RAX: variants seen among roughly 807,000 people sequenced by gnomAD.
RAX encodes the protein retinal homeobox protein Rx.
A neutral mutation model predicts 17.4 loss-of-function variants in RAX; 11 were observed. The ratio of observed to expected loss-of-function variants is 0.63; its 90% CI spans 0.40 to 1.05. RAX has a LOEUF of 1.05. Among genes scored for constraint, RAX ranks in the 50% least tolerant of loss-of-function variants. The probability of loss-of-function intolerance (pLI) is 0.00; values close to 1 mark genes in which losing one functional copy is unlikely to be tolerated. For synonymous variants in RAX, 276 were observed against 254.7 expected, an observed-to-expected ratio of 1.08 and a Z score of -0.80; for missense variants, 527 against 501.1, an observed-to-expected ratio of 1.05 and a Z score of -0.49.
rs1015015294 is a variant in RAX at position 59,273,147 on chromosome 18, G to A, written c.60C>T (p.His20=). Residue 20 remains histidine (H), a synonymous_variant, in exon 1 of 3, where the codon CAC becomes CAT. Coordinates refer to ENST00000334889, the MANE Select transcript of RAX (RefSeq NM_013435.3). ...TGCTCCCGCCCGGGCTGCGGAGCAG[G>A]TGGCCGGCAAGCGAGAAGCTCCCGT... ...MADGSFSLAG[H]LLRSPGGSTS... 2.3e-5 allele frequency: 35 copies of A among 1,534,492 alleles called. No homozygotes were observed. The highest frequency in any genetic ancestry group is 2.8e-5 in the Non-Finnish European group (32 of 1,146,196).
chr18:59,272,394 G>C lies in RAX; in HGVS notation c.510C>G (p.Ala170=), dbSNP rs575686739. ...YPDVYSREEL[A]GKVNLPEVRV... is the part of the protein sequence containing the mutation. ...GGACCTCTGGTAGGTTGACCTTGCCGGCCAGCTCCTCGCGGCTGTACACGT... is the reference window on the plus strand; with the variant it reads ...GGACCTCTGGTAGGTTGACCTTGCCCGCCAGCTCCTCGCGGCTGTACACGT... Residue 170 remains alanine (A), a synonymous_variant, in exon 2 of 3, where the codon GCC becomes GCG. Transcript: ENST00000334889. The C allele has an allele frequency of 3.1e-6, 5 of 1,614,114 alleles. No homozygotes were observed. In the South Asian group the frequency reaches 4.4e-5, roughly 14 times the overall value.
At chr18:59,269,588 C>T in intron 2 of RAX, 87 bp from the exon 3 acceptor site, 3 of 1,445,422 alleles carry the variant, frequency 2.1e-6, no homozygotes, top group South Asian at 2.5e-5. Flanking sequence ...TCGGCGGGCT[C>T]CACTCCGTCC....
intron 2 of RAX, among the ~76,000 whole-genome samples, chr18:59,271,335 G>A (rs1010104227): frequency 8.5e-5 from 13 of 152,056 alleles, no homozygotes; most frequent in Admixed American, 2.6e-4. Context: ...TTTTTTGAAA[G>A]CAGGTGATAA....
chr18:59,270,582 C>A (rs1206206031), intron 2 of RAX, among the ~76,000 whole-genome samples: 1 of 152,126 alleles, frequency 6.6e-6, no homozygotes, highest in Non-Finnish European at 1.5e-5. Flanking sequence ...AAACTGGTGG[C>A]TTTAGTGCTA....
At chr18:59,272,313 G>A (rs374903690) in intron 2 of RAX, 48 bp downstream of exon 2, 136 of 1,613,354 alleles carry the variant, frequency 8.4e-5, no homozygotes, top group Non-Finnish European at 1.1e-4. Flanking sequence ...GCTGCAATTT[G>A]GGCCTCGGGC....
rs918318947 is a variant in RAX, at chr18:59,271,531, C to A, written c.543+830G>T. On this transcript the variant is annotated intron_variant, in intron 2 of 2. Transcript: ENST00000334889. ...AAAAGCAGCAGCTTGTCCTCTTTTA[C>A]TTTTAAGACATGGATAAAAGCTCCG... Among the ~76,000 whole-genome samples the A allele has an allele frequency of 2.6e-5, 4 of 152,204 alleles. No individual in the cohort carries two copies. The East Asian group carries it at 7.7e-4, about 29-fold the overall frequency.
At position 59,267,039 on chromosome 18, in the gene RAX, G is replaced by GGTTTT. The variant is rs1176133979; in HGVS notation, c.*1960_*1964dup. ...GATAGGCCAAACACACATTCATTCTGGTTTTGTTTTGTTTTGTTTTCTTGC... is the reference window on the plus strand; with the variant it reads ...GATAGGCCAAACACACATTCATTCTGGTTTTGTTTTGTTTTGTTTTGTTTTCTTGC... On this transcript the variant is annotated 3_prime_UTR_variant, in exon 3 of 3. Transcript: ENST00000334889. 2 of 152,138 alleles carry GGTTTT rather than the reference G, an allele frequency of 1.3e-5. No homozygotes were observed. The highest frequency in any genetic ancestry group is 2.1e-4 in the South Asian group (1 of 4,828). The allele number at this position is 152,138 out of a possible 1,614,324, so 9.4% of individuals were successfully genotyped here.
Position 59,269,425 on chromosome 18 carries a change from G to T in RAX, c.620C>A (p.Ser207Ter). The T allele has an allele frequency of 6.3e-7, 1 of 1,579,168 alleles. No individual in the cohort carries two copies. Among genetic ancestry groups the T allele is most frequent in the Admixed American group, 1.7e-5 (1 of 57,582 alleles). ...GGAGCGGCTGAAGGAGAGGAGGGGC[G>T]AGTCCTGCAGCTTCATGGAGGACAC... ...LEVSSMKLQDSPLLSFSRSPP... is the reference protein window; with the variant it reads ...LEVSSMKLQD Residue 207 changes from serine to a stop codon, truncating the protein, a stop_gained, in exon 3 of 3, where the codon TCG becomes TAG. Coordinates refer to ENST00000334889, the MANE Select transcript of RAX (RefSeq NM_013435.3). LOFTEE classifies it low-confidence loss of function (END_TRUNC).
chr18:59,273,065 G>A lies in RAX; in HGVS notation c.142C>T (p.Leu48Phe). 1 of 1,535,020 alleles carries A rather than the reference G, an allele frequency of 6.5e-7. No homozygotes were observed. Among genetic ancestry groups the A allele is most frequent in the Non-Finnish European group, 8.7e-7 (1 of 1,146,388 alleles). The change falls in exon 1 of 3, where the codon CTC becomes TTC. Residue 48 changes from leucine to phenylalanine, a missense_variant. Physicochemically the swap from Leu to Phe is conservative, Grantham distance 22. Transcript: ENST00000334889. ...ILGFTKDDGI[L>F]GTFPAERGAR... Reference sequence around the variant, plus strand: ...CCCCGCTCCGCCGGGAAGGTGCCGAGGATCCCGTCGTCCTTGGTAAACCCC... The same window carrying A: ...CCCCGCTCCGCCGGGAAGGTGCCGAAGATCCCGTCGTCCTTGGTAAACCCC...
In RAX at chr18:59,272,957, A is replaced by G. The variant is rs921397137; in HGVS notation, c.250T>C (p.Ser84Pro). ...PKAPEEGSEP[S>P]PPPAPAPAPE... ...GCGGGCGCCGGGGCTGGCGGCGGGG[A>G]GGGCTCGGAGCCTTCCTCGGGCGCC... Residue 84 changes from serine (S) to proline (P), a missense_variant, in exon 1 of 3, where the codon TCC (serine) becomes CCC (proline). Ser to Pro is a moderately conservative substitution (Grantham distance 74). Coordinates refer to ENST00000334889, the MANE Select transcript of RAX (RefSeq NM_013435.3). The G allele has an allele frequency of 2.0e-6, 3 of 1,471,842 alleles. No individual in the cohort carries two copies. The highest frequency in any genetic ancestry group is 1.8e-6 in the Non-Finnish European group (2 of 1,126,116). 91.2% of individuals were successfully genotyped at this position (1,471,842 alleles called of 1,614,324 possible).
rs754301606 is a variant in RAX at position 59,272,407 on chromosome 18, C to G, written c.497G>C (p.Arg166Pro). The G allele has an allele frequency of 2.5e-6, 4 of 1,614,262 alleles. No individual in the cohort carries two copies. The highest frequency in any genetic ancestry group is 1.7e-5 in the Admixed American group (1 of 60,032). ...GTTGACCTTGCCGGCCAGCTCCTCG[C>G]GGCTGTACACGTCCGGGTAGTGGGA... ...EKSHYPDVYS[R>P]EELAGKVNLP... Residue 166 changes from arginine to proline, a missense_variant, in exon 2 of 3, where the codon CGC becomes CCC. Physicochemically the swap from Arg to Pro is moderately radical, Grantham distance 103. Transcript: ENST00000334889.
At chr18:59,272,708 G>A in intron 1 of RAX, 94 bp from the exon 2 acceptor site, 1 of 1,468,416 alleles carries the variant, frequency 6.8e-7, no homozygotes, top group Non-Finnish European at 9.0e-7. Flanking sequence ...GCCCGCCTGC[G>A]GGCTCCGAGA....
At position 59,272,910 on chromosome 18, in the gene RAX, G is replaced by C. The variant is rs192960377; in HGVS notation, c.289+8C>G. 1,975 of 1,488,390 alleles carry C rather than the reference G, an allele frequency of 1.3e-3. 21 individuals are homozygous for C. In the African/African-American group the frequency reaches 0.022, roughly 17 times the overall value. The allele number at this position is 1,488,390 out of a possible 1,614,324, so 92.2% of individuals were successfully genotyped here. A position where few individuals can be genotyped will look rare whatever the true frequency, so the allele number is the denominator to read the frequency against. On this transcript the variant is annotated splice_region_variant and intron_variant, in intron 1 of 2. Coordinates refer to ENST00000334889, the MANE Select transcript of RAX (RefSeq NM_013435.3). The stretch of plus-strand genomic sequence containing the variant: ...AACGGCCTCGCACAGCCAGGGGTGC[G>C]CACTCACCTTCGTACTCGGGGGCGG...
intron 2 of RAX, among the ~76,000 whole-genome samples, chr18:59,271,574 A>G (rs2070338526): frequency 6.6e-6 from 1 of 152,232 alleles, no homozygotes; most frequent in African/African-American, 2.4e-5. Flanking sequence ...GAGTGTTCTC[A>G]TTTCCTGGAA....
Position 59,272,953 on chromosome 18 carries a change from G to A in RAX, c.254C>T (p.Pro85Leu), listed in dbSNP as rs773396378. 8 of 1,470,854 alleles carry A rather than the reference G, an allele frequency of 5.4e-6. No individual in the cohort carries two copies. The highest frequency in any genetic ancestry group is 2.8e-5 in the South Asian group (2 of 72,030). The allele number at this position is 1,470,854 out of a possible 1,614,324, so 91.1% of individuals were successfully genotyped here. A position where few individuals can be genotyped will look rare whatever the true frequency, so the allele number is the denominator to read the frequency against. Residue 85 changes from proline to leucine, a missense_variant, in exon 1 of 3, where the codon CCG (proline) becomes CTG (leucine). Coordinates refer to ENST00000334889, the MANE Select transcript of RAX (RefSeq NM_013435.3). ...GGGGGCGGGCGCCGGGGCTGGCGGC[G>A]GGGAGGGCTCGGAGCCTTCCTCGGG... Reference protein sequence around the residue: ...KAPEEGSEPSPPPAPAPAPEY... With the variant: ...KAPEEGSEPSLPPAPAPAPEY...
In RAX at chr18:59,268,353, G is replaced by A. The variant is rs1391167380; in HGVS notation, c.*651C>T. 1.3e-5 allele frequency: 2 copies of A among 152,530 alleles called. No individual in the cohort carries two copies. Among genetic ancestry groups the A allele is most frequent in the Non-Finnish European group, 2.9e-5 (2 of 68,354 alleles). 9.4% of individuals were successfully genotyped at this position (152,530 alleles called of 1,614,324 possible). A position where few individuals can be genotyped will look rare whatever the true frequency, so the allele number is the denominator to read the frequency against. ...CTAGGCCGCCGAAGCGTTCGGAATG[G>A]GGACGATTCTCTGCTGCAGCGAAGT... On this transcript the variant is annotated 3_prime_UTR_variant, in exon 3 of 3. Transcript: ENST00000334889. This position sits in a 1 kb window ranked among gnomAD's most constrained non-coding sequence, Gnocchi z 4.4.
rs543616663 is a variant in RAX, at chr18:59,268,934, C to G, written c.*70G>C. On this transcript the variant is annotated 3_prime_UTR_variant, in exon 3 of 3. Coordinates refer to ENST00000334889, the MANE Select transcript of RAX (RefSeq NM_013435.3). The surrounding 1 kb of genome is among the most constrained non-coding windows in gnomAD (Gnocchi z 4.4). Reference sequence around the variant, plus strand: ...GGGCCGAGCTGGGGAGGGGGGTTGTCCCTGGGAGAGAGGATGCGGGTACGG... The same window carrying G: ...GGGCCGAGCTGGGGAGGGGGGTTGTGCCTGGGAGAGAGGATGCGGGTACGG... The G allele has an allele frequency of 6.2e-7, 1 of 1,610,796 alleles. No homozygotes were observed. Among genetic ancestry groups the G allele is most frequent in the East Asian group, 2.2e-5 (1 of 44,816 alleles).
chr18:59,272,207 C>T (rs1018017226), intron 2 of RAX, among the ~76,000 whole-genome samples, 154 bp downstream of exon 2: 1 of 152,226 alleles, frequency 6.6e-6, no homozygotes, highest in African/African-American at 2.4e-5. Flanking sequence ...CAGGGAACAT[C>T]GAAGATCTGT....
chr18:59,271,103 G>A (rs908816784), intron 2 of RAX, among the ~76,000 whole-genome samples: 10 of 152,304 alleles, frequency 6.6e-5, no homozygotes, highest in African/African-American at 2.4e-4. Context: ...GCCATATGCT[G>A]GGTGCTGTGC....
Sources: gnomAD v4.1 joint callset for allele counts (sites outside exome capture counted in the v4.1 genomes callset) on GRCh38, gnomAD v4.1.1 for gene constraint, Gnocchi (gnomAD v3.1) non-coding constraint, MANE v1.5 for transcripts, NCBI Gene and HGNC (gene_info 2026-07-23, HGNC 2026-07-21) for gene names.